Variants in TOP2B observed in about 807,000 individuals in gnomAD.
The protein encoded by TOP2B is DNA topoisomerase 2-beta.
A neutral mutation model predicts 193.5 loss-of-function variants in TOP2B; 51 were observed. That is an observed-to-expected ratio of 0.26 (90% CI 0.21 to 0.33). The LOEUF is 0.33. Among genes scored for constraint, TOP2B ranks in the 10% least tolerant of loss-of-function variants. TOP2B has a pLI of 1.00. For missense variants in TOP2B, 1,378 were observed against 1,909.3 expected (o/e 0.72, Z 5.19); for synonymous variants, 634 against 635.7 (o/e 1.00, Z 0.04).
chr3:25,658,060 CAA>C (rs1334572390), intron 1 of TOP2B, among the ~76,000 whole-genome samples: 4 of 44,754 alleles, frequency 8.9e-5, no homozygotes, highest in Admixed American at 4.4e-4. Context: ...GACTCCGTCT[CAA>C]AAAAAAAAAA....
intron 4 of TOP2B, among the ~76,000 whole-genome samples, chr3:25,639,284 A>T (rs1490079970): frequency 1.3e-5 from 2 of 152,168 alleles, no homozygotes; most frequent in African/African-American, 4.8e-5. Flanking sequence ...AATATTTTCA[A>T]CTCTGGTTAA....
In TOP2B at chr3:25,630,375, G is replaced by A. The variant is rs1459877876; in HGVS notation, c.1500C>T (p.Asp500=). The part of the protein sequence containing the change: ...AVSGLGVIGR[D]RYGVFPLRGK... ...CCCTGAGTGGAAAAACTCCGTATCT[G>A]TCTCGTCCAATCACACCTAATCCAG... Residue 500 remains aspartate, a synonymous_variant, in exon 12 of 36, where the codon GAC becomes GAT. Coordinates refer to ENST00000264331, the MANE Select transcript of TOP2B (RefSeq NM_001330700.2). The A allele has an allele frequency of 3.9e-6, 6 of 1,551,612 alleles. No individual in the cohort carries two copies. In the African/African-American group the frequency reaches 5.5e-5, roughly 14 times the overall value.
chr3:25,621,562 T>C (rs1359053261), intron 21 of TOP2B, among the ~76,000 whole-genome samples: 1 of 152,174 alleles, frequency 6.6e-6, no homozygotes, highest in Non-Finnish European at 1.5e-5. Flanking sequence ...GGTTTTGCCA[T>C]GTTGCCCAGG....
Position 25,664,450 on chromosome 3 carries a change from G to A in TOP2B, c.-153C>T, listed in dbSNP as rs1036413822. The A allele has an allele frequency of 1.0e-5, 13 of 1,247,602 alleles. No homozygotes were observed. In the South Asian group the frequency reaches 3.6e-4, roughly 34 times the overall value. The allele number at this position is 1,247,602 out of a possible 1,614,324, so 77.3% of individuals were successfully genotyped here. A position where few individuals can be genotyped will look rare whatever the true frequency, so the allele number is the denominator to read the frequency against. On this transcript the variant is annotated 5_prime_UTR_variant, in exon 1 of 36. Coordinates refer to ENST00000264331, the MANE Select transcript of TOP2B (RefSeq NM_001330700.2). ...CGCCCCATCGCGAAGATCCGGAGCG[G>A]ACGTCCAGCCGAGCCCGCTGAGGAG...
intron 25 of TOP2B, among the ~76,000 whole-genome samples, chr3:25,617,417 T>C (rs1702532413): frequency 6.6e-6 from 1 of 152,202 alleles, no homozygotes; most frequent in Non-Finnish European, 1.5e-5. Context: ...TATCTTAATA[T>C]GTAATTGCTA....
At chr3:25,613,628 T>G (rs997652044) in intron 27 of TOP2B, among the ~76,000 whole-genome samples, 8 of 151,560 alleles carry the variant, frequency 5.3e-5, no homozygotes, top group African/African-American at 1.9e-4. Context: ...CTCAGGAGAC[T>G]AAGGTAGGAG....
chr3:25,640,561 C>T (rs1406267470), intron 4 of TOP2B, among the ~76,000 whole-genome samples: 1 of 151,998 alleles, frequency 6.6e-6, no homozygotes, highest in South Asian at 2.1e-4. Flanking sequence ...AATTTTCCCT[C>T]CCTCTTCTGC....
At chr3:25,640,128 C>A (rs1446207719) in intron 4 of TOP2B, among the ~76,000 whole-genome samples, 1 of 152,058 alleles carries the variant, frequency 6.6e-6, no homozygotes, top group Non-Finnish European at 1.5e-5. Flanking sequence ...AAAATTGCAC[C>A]TCTGAAATAA....
intron 34 of TOP2B, among the ~76,000 whole-genome samples, chr3:25,600,093 T>C (rs1200170030): frequency 6.6e-6 from 1 of 152,186 alleles, no homozygotes; most frequent in Non-Finnish European, 1.5e-5. Flanking sequence ...AACTATAAAA[T>C]GTCAAATACA....
intron 22 of TOP2B, among the ~76,000 whole-genome samples, chr3:25,620,312 G>C (rs1702626101): frequency 6.6e-6 from 1 of 151,544 alleles, no homozygotes; most frequent in South Asian, 2.1e-4. Context: ...AGTATGAAAA[G>C]GATGACATCA....
intron 22 of TOP2B, 21 bp from the exon 23 acceptor site, chr3:25,620,083 G>A (rs1197394806): frequency 1.4e-6 from 2 of 1,406,922 alleles, no homozygotes; most frequent in South Asian, 2.5e-5. Flanking sequence ...TTAAAAATTA[G>A]TGATTCTTTT....
In TOP2B at chr3:25,604,884, A is replaced by G; in HGVS notation, c.4379-14T>C. 1 of 1,590,092 alleles carries G rather than the reference A, an allele frequency of 6.3e-7. No homozygotes were observed. ...ATTTAGCTGAATCTAAAAATTGCAAAGCCTTCTTTTAGTAAAGAGATGTTA... is the reference window on the plus strand; with the variant it reads ...ATTTAGCTGAATCTAAAAATTGCAAGGCCTTCTTTTAGTAAAGAGATGTTA... On this transcript the variant is annotated splice_polypyrimidine_tract_variant and intron_variant, in intron 32 of 35. Coordinates refer to ENST00000264331, the MANE Select transcript of TOP2B (RefSeq NM_001330700.2).
chr3:25,632,430 T>C lies in TOP2B; in HGVS notation c.1266+16A>G. 2 of 1,530,282 alleles carry C rather than the reference T, an allele frequency of 1.3e-6. No individual in the cohort carries two copies. Among genetic ancestry groups the C allele is most frequent in the Non-Finnish European group, 8.8e-7 (1 of 1,141,722 alleles). 94.8% of individuals were successfully genotyped at this position (1,530,282 alleles called of 1,614,324 possible). Reference sequence around the variant, plus strand: ...CTCTTAATAACAACAATAAAAAAAATACAAGTTTTACTCACTGCTTTAAAA... The same window carrying C: ...CTCTTAATAACAACAATAAAAAAAACACAAGTTTTACTCACTGCTTTAAAA... On this transcript the variant is annotated intron_variant, in intron 10 of 35. Transcript: ENST00000264331.
chr3:25,657,875 A>C (rs58909942), intron 1 of TOP2B, among the ~76,000 whole-genome samples: 25,152 of 148,392 alleles, frequency 0.17, 2,958 homozygotes, highest in African/African-American at 0.36. Flanking sequence ...TCCCGGCTAA[A>C]ACGGTGAAAC....
At chr3:25,637,531 G>C (rs563142683) in intron 5 of TOP2B, among the ~76,000 whole-genome samples, 1 of 152,054 alleles carries the variant, frequency 6.6e-6, no homozygotes, top group African/African-American at 2.4e-5. Flanking sequence ...TGGGTATTTT[G>C]TACATTTACC....
Position 25,620,617 on chromosome 3 carries a change from C to T in TOP2B, c.2862+65G>A. On this transcript the variant is annotated intron_variant, in intron 22 of 35. Coordinates refer to ENST00000264331, the MANE Select transcript of TOP2B (RefSeq NM_001330700.2). ...TTAGGACCAACAACGGTGGAATCATCCTTACCAGAAAAAATTGCTTAATAC... is the reference window on the plus strand; with the variant it reads ...TTAGGACCAACAACGGTGGAATCATTCTTACCAGAAAAAATTGCTTAATAC... The T allele has an allele frequency of 2.0e-6, 3 of 1,529,454 alleles. No individual in the cohort carries two copies. In the South Asian group the frequency reaches 3.8e-5, roughly 20 times the overall value. 94.7% of individuals were successfully genotyped at this position (1,529,454 alleles called of 1,614,324 possible).
rs1255813630 is a variant in TOP2B at position 25,664,316 on chromosome 3, A to G, written c.-19T>C. On this transcript the variant is annotated 5_prime_UTR_variant, in exon 1 of 36. Coordinates refer to ENST00000264331, the MANE Select transcript of TOP2B (RefSeq NM_001330700.2). ...TGGCCATGGCGAGTGCCTCCAGCTC[A>G]CAGGCCCTGAGGCCGCAGCCGCCGC... The G allele has an allele frequency of 1.3e-6, 2 of 1,511,604 alleles. No homozygotes were observed. The highest frequency in any genetic ancestry group is 2.0e-5 in the Admixed American group (1 of 48,822). The allele number at this position is 1,511,604 out of a possible 1,614,324, so 93.6% of individuals were successfully genotyped here.
At chr3:25,633,516 ACCAGCC>A (rs142031141) in intron 8 of TOP2B, among the ~76,000 whole-genome samples, 2,961 of 152,174 alleles carry the variant, frequency 0.019, 49 homozygotes, top group Middle Eastern at 0.037. Context: ...TAACTCAGTC[ACCAGCC>A]CCCTCTCCTC....
At chr3:25,640,814 G>A (rs1559505063) in intron 4 of TOP2B, among the ~76,000 whole-genome samples, 3 of 139,016 alleles carry the variant, frequency 2.2e-5, no homozygotes, top group African/African-American at 8.1e-5. Context: ...CTAGAGTACA[G>A]TGGCACAATC....
Sources: allele counts gnomAD v4.1 joint callset (sites outside exome capture counted in the v4.1 genomes callset), GRCh38; gene constraint gnomAD v4.1.1; transcripts MANE v1.5; gene names NCBI Gene and HGNC (gene_info 2026-07-23, HGNC 2026-07-21).